Variants in CRPPA observed in about 807,000 individuals in gnomAD.
CRPPA encodes D-ribitol-5-phosphate cytidylyltransferase.
In CRPPA, 43 loss-of-function variants were observed where a neutral mutation model predicts 52.0. The ratio of observed to expected loss-of-function variants is 0.83; its 90% CI spans 0.65 to 1.07. CRPPA has a LOEUF of 1.07. Ranked by LOEUF, CRPPA falls within the 50% of genes least tolerant of loss-of-function variation. The pLI is 0.00. For missense variants in CRPPA, 629 were observed against 551.7 expected, an observed-to-expected ratio of 1.14 and a Z score of -1.40; for synonymous variants, 250 against 203.5, an observed-to-expected ratio of 1.23 and a Z score of -1.94.
At chr7:16,199,854 C>CTTTTTTT (rs68003825) in intron 9 of CRPPA, among the ~76,000 whole-genome samples, 27 of 120,108 alleles carry the variant, frequency 2.2e-4, no homozygotes, top group Middle Eastern at 4.5e-3. Flanking sequence ...TAAGCTTTTT[C>CTTTTTTT]TTTTTTTTTT....
intron 3 of CRPPA, among the ~76,000 whole-genome samples, chr7:16,355,934 T>C (rs989573464): frequency 1.3e-5 from 2 of 152,204 alleles, no homozygotes; most frequent in Non-Finnish European, 2.9e-5. Flanking sequence ...TCTTCACTAC[T>C]GTAAGTAATT....
At chr7:16,408,123 A>AAT (rs1554364871) in intron 1 of CRPPA, among the ~76,000 whole-genome samples, 1 of 137,238 alleles carries the variant, frequency 7.3e-6, no homozygotes, top group East Asian at 2.1e-4. Flanking sequence ...AAAAAAAAAT[A>AAT]AAAAAATAAC....
rs79183323 is a variant in CRPPA at position 16,106,162 on chromosome 7, A to G, written c.1252-14363T>C. ...CACCCAATAACTTTCCCATTTCCAA[A>G]AATTTGGAGAACCATAAGAGCTAGA... On this transcript the variant is annotated intron_variant, in intron 9 of 9. Transcript: ENST00000407010. 2.5e-3 allele frequency among the ~76,000 whole-genome samples: 387 copies of G among 152,292 alleles called. 2 individuals carry two copies. The highest frequency in any genetic ancestry group is 8.9e-3 in the African/African-American group (371 of 41,554).
At chr7:16,152,296 G>C (rs972617528) in intron 9 of CRPPA, among the ~76,000 whole-genome samples, 2 of 149,524 alleles carry the variant, frequency 1.3e-5, no homozygotes, top group Non-Finnish European at 3.0e-5. Context: ...TGTGTACAGA[G>C]TATTATAAAA....
chr7:16,323,210 A>G lies in CRPPA; in HGVS notation c.685-14583T>C, dbSNP rs916039106. 2.0e-4 allele frequency among the ~76,000 whole-genome samples: 31 copies of G among 152,158 alleles called. 1 individual carries two copies. Among genetic ancestry groups the G allele is most frequent in the Admixed American group, 1.3e-4 (2 of 15,274 alleles). On this transcript the variant is annotated intron_variant, in intron 3 of 9. Coordinates refer to ENST00000407010, the MANE Select transcript of CRPPA (RefSeq NM_001101426.4). ...ATGCTGAGCATGATGGTGTGACTAG[A>G]TGAGAATTTAAGGGGTCCTGGGATA...
chr7:16,393,237 G>A (rs1199221853), intron 2 of CRPPA, among the ~76,000 whole-genome samples: 1 of 152,074 alleles, frequency 6.6e-6, no homozygotes, highest in East Asian at 1.9e-4. Context: ...TAATAGTTTA[G>A]AATGCATATA....
chr7:16,172,814 A>C (rs1328608276), intron 9 of CRPPA, among the ~76,000 whole-genome samples: 3 of 152,148 alleles, frequency 2.0e-5, no homozygotes, highest in Non-Finnish European at 4.4e-5. Flanking sequence ...TTTTAAGAAA[A>C]ATCAATTTAA....
intron 5 of CRPPA, among the ~76,000 whole-genome samples, chr7:16,298,931 C>G (rs1476489579): frequency 6.6e-6 from 1 of 152,208 alleles, no homozygotes; most frequent in African/African-American, 2.4e-5. Flanking sequence ...TTCCCTTGTT[C>G]TCAGGCCTTT....
intron 9 of CRPPA, among the ~76,000 whole-genome samples, chr7:16,154,896 C>G (rs1387778448): frequency 1.3e-5 from 2 of 151,384 alleles, no homozygotes; most frequent in Non-Finnish European, 2.9e-5. Flanking sequence ...CAACCTCTGT[C>G]CCCCAGGTTC....
intron 2 of CRPPA, among the ~76,000 whole-genome samples, chr7:16,385,220 GAT>G: frequency 6.6e-6 from 1 of 151,804 alleles, no homozygotes; most frequent in South Asian, 2.1e-4. Context: ...CAAAAGGAAA[GAT>G]GAGAAAGAAG....
At chr7:16,308,678 T>A in intron 3 of CRPPA, 51 bp from the exon 4 acceptor site, 2 of 1,079,282 alleles carry the variant, frequency 1.9e-6, no homozygotes, top group Non-Finnish European at 2.8e-6. Context: ...CGATTTTAAG[T>A]AAAACCAAGC....
At chr7:16,349,017 G>T (rs1786083930) in intron 3 of CRPPA, among the ~76,000 whole-genome samples, 1 of 152,150 alleles carries the variant, frequency 6.6e-6, no homozygotes, top group African/African-American at 2.4e-5. Context: ...AGTATCAGAG[G>T]GTGCAGCTTG....
intron 9 of CRPPA, among the ~76,000 whole-genome samples, chr7:16,212,051 A>C (rs1174321056): frequency 1.3e-5 from 2 of 152,016 alleles, no homozygotes; most frequent in Non-Finnish European, 2.9e-5. Flanking sequence ...ATCTTTTACA[A>C]ATTTTTTTTT....
At chr7:16,342,903 C>T (rs1349926945) in intron 3 of CRPPA, among the ~76,000 whole-genome samples, 2 of 106,268 alleles carry the variant, frequency 1.9e-5, no homozygotes, top group African/African-American at 3.6e-5. Flanking sequence ...AGCTGGATAT[C>T]GTAGTACGTG....
intron 3 of CRPPA, among the ~76,000 whole-genome samples, chr7:16,362,151 G>A (rs1323977931): frequency 6.6e-6 from 1 of 152,198 alleles, no homozygotes; most frequent in African/African-American, 2.4e-5. Flanking sequence ...ACCGCGCTCG[G>A]CCTACAAAAT....
chr7:16,421,060 C>T lies in CRPPA; in HGVS notation c.257+6G>A. 2 of 1,266,466 alleles carry T rather than the reference C, an allele frequency of 1.6e-6. No homozygotes were observed. The highest frequency in any genetic ancestry group is 2.0e-6 in the Non-Finnish European group (2 of 998,396). 78.5% of individuals were successfully genotyped at this position (1,266,466 alleles called of 1,614,324 possible). On this transcript the variant is annotated splice_donor_region_variant and intron_variant, in intron 1 of 9. Coordinates refer to ENST00000407010, the MANE Select transcript of CRPPA (RefSeq NM_001101426.4). ...GAACCGCGGGGCGCGCCCGGCGCCG[C>T]ATTACCTCTCCAGGGCCTGTAGGGT...
intron 9 of CRPPA, among the ~76,000 whole-genome samples, chr7:16,155,176 G>A (rs1783153974): frequency 6.6e-6 from 1 of 151,956 alleles, no homozygotes; most frequent in Non-Finnish European, 1.5e-5. Context: ...TGTCTGTATT[G>A]TTTTATTTAT....
intron 3 of CRPPA, among the ~76,000 whole-genome samples, chr7:16,327,318 C>A (rs977520394): frequency 1.3e-5 from 2 of 152,088 alleles, no homozygotes; most frequent in East Asian, 3.9e-4. Context: ...CAAGGCCGGG[C>A]GCGGTGGCTC....
At chr7:16,291,565 A>T (rs574968742) in intron 5 of CRPPA, among the ~76,000 whole-genome samples, 9 of 152,002 alleles carry the variant, frequency 5.9e-5, no homozygotes, top group Non-Finnish European at 1.0e-4. Context: ...GAAGAGAATG[A>T]TGACTAACAG....
Sources: allele counts gnomAD v4.1 joint callset (sites outside exome capture counted in the v4.1 genomes callset), GRCh38; gene constraint gnomAD v4.1.1; transcripts MANE v1.5; gene names NCBI Gene and HGNC (gene_info 2026-07-23, HGNC 2026-07-21).